Variants in MORN5 observed in about 807,000 individuals in gnomAD.
The protein encoded by MORN5 is MORN repeat-containing protein 5.
A neutral mutation model predicts 22.1 loss-of-function variants in MORN5; 21 were observed. The observed-to-expected ratio is 0.95, with a 90% CI of 0.67 to 1.37. The LOEUF is 1.37. Ranked by LOEUF, MORN5 falls within the 40% of genes most tolerant of loss-of-function variation. MORN5 has a pLI of 0.00. For synonymous variants in MORN5, 73 were observed against 74.0 expected, an observed-to-expected ratio of 0.99 and a Z score of 0.07; for missense variants, 211 against 215.1, an observed-to-expected ratio of 0.98 and a Z score of 0.12.
intron 3 of MORN5, among the ~76,000 whole-genome samples, chr9:122,173,942 A>G (rs529953484): frequency 6.6e-6 from 1 of 152,342 alleles, no homozygotes; most frequent in South Asian, 2.1e-4. Flanking sequence ...CTGGCACATA[A>G]TAAACATTCA....
chr9:122,199,309 G>C (rs1410157363), intron 4 of MORN5, among the ~76,000 whole-genome samples: 1 of 152,174 alleles, frequency 6.6e-6, no homozygotes, highest in Non-Finnish European at 1.5e-5. Flanking sequence ...CCATTGCGTG[G>C]TTGGTCACGA....
chr9:122,195,276 G>A (rs1478849989), intron 4 of MORN5, among the ~76,000 whole-genome samples: 2 of 152,170 alleles, frequency 1.3e-5, no homozygotes, highest in East Asian at 3.8e-4. Flanking sequence ...TGTACCCCAC[G>A]CTCAATTTCC....
intron 3 of MORN5, among the ~76,000 whole-genome samples, chr9:122,172,822 G>T (rs1421236037): frequency 6.6e-6 from 1 of 152,184 alleles, no homozygotes; most frequent in African/African-American, 2.4e-5. Context: ...GTGCTTAGGG[G>T]AGTTAAGGCA....
chr9:122,170,834 CGAG>C (rs1267696320), intron 3 of MORN5, among the ~76,000 whole-genome samples: 1 of 152,052 alleles, frequency 6.6e-6, no homozygotes, highest in Non-Finnish European at 1.5e-5. Flanking sequence ...AGCCTCAAGA[CGAG>C]GGGAGGAGAG....
chr9:122,191,664 C>T (rs536391822), intron 4 of MORN5, among the ~76,000 whole-genome samples: 11 of 152,352 alleles, frequency 7.2e-5, no homozygotes, highest in Non-Finnish European at 1.2e-4. Flanking sequence ...CAGCGGTGAC[C>T]GCAGGTGTGC....
intron 3 of MORN5, among the ~76,000 whole-genome samples, chr9:122,170,744 A>G (rs1461413633): frequency 2.6e-5 from 4 of 152,184 alleles, no homozygotes; most frequent in African/African-American, 9.7e-5. Context: ...GTGTCTCATC[A>G]TGGAGGGCTA....
At chr9:122,183,874 C>T (rs1829572025) in intron 4 of MORN5, among the ~76,000 whole-genome samples, 1 of 152,198 alleles carries the variant, frequency 6.6e-6, no homozygotes. Context: ...TGATTATTTG[C>T]AGAGAGGGCC....
chr9:122,162,480 C>A (rs1272249017), intron 1 of MORN5, among the ~76,000 whole-genome samples: 3 of 152,124 alleles, frequency 2.0e-5, no homozygotes, highest in African/African-American at 7.2e-5. Flanking sequence ...AGGTATTTAC[C>A]CCAGAAATGA....
chr9:122,182,695 G>A (rs1564420031), intron 4 of MORN5, among the ~76,000 whole-genome samples: 1 of 152,206 alleles, frequency 6.6e-6, no homozygotes, highest in East Asian at 1.9e-4. Flanking sequence ...AGGCTGCAGT[G>A]AGCTGAGATC....
chr9:122,173,050 G>A (rs1829388307), intron 3 of MORN5, among the ~76,000 whole-genome samples: 1 of 152,142 alleles, frequency 6.6e-6, no homozygotes, highest in Non-Finnish European at 1.5e-5. Context: ...TAGGCAAAAA[G>A]CCCTCAGCCT....
chr9:122,165,932 G>GT (rs890648361), intron 1 of MORN5, among the ~76,000 whole-genome samples: 37 of 152,308 alleles, frequency 2.4e-4, no homozygotes, highest in African/African-American at 8.7e-4. Flanking sequence ...TCATGCTGCT[G>GT]TAAGGACATA....
chr9:122,182,245 T>G (rs1425359290), intron 4 of MORN5, among the ~76,000 whole-genome samples: 3 of 152,218 alleles, frequency 2.0e-5, no homozygotes, highest in Non-Finnish European at 4.4e-5. Context: ...TCACCTCATG[T>G]ATTGCCCCAG....
At chr9:122,199,048 A>G (rs1245062693) in intron 4 of MORN5, among the ~76,000 whole-genome samples, 1 of 152,202 alleles carries the variant, frequency 6.6e-6, no homozygotes, top group Non-Finnish European at 1.5e-5. Context: ...AGGAGAAAGG[A>G]GGAAAAATGA....
At chr9:122,164,574 A>G in intron 1 of MORN5, 1 of 985,450 alleles carries the variant, frequency 1.0e-6, no homozygotes, top group Non-Finnish European at 1.2e-6. Flanking sequence ...TGCTTAGGGG[A>G]GGAGGAGATG....
Position 122,197,032 on chromosome 9 carries a change from A to G in MORN5, c.440-2853A>G, listed in dbSNP as rs1353240570. 6.6e-6 allele frequency among the ~76,000 whole-genome samples: 1 copy of G among 152,164 alleles called. No individual in the cohort carries two copies. Among genetic ancestry groups the G allele is most frequent in the Non-Finnish European group, 1.5e-5 (1 of 68,016 alleles). Reference sequence around the variant, plus strand: ...TATACAACAAAATAATCATTCCCTCATTTTTAGAAATGTACATTTTCCTTT... The same window carrying G: ...TATACAACAAAATAATCATTCCCTCGTTTTTAGAAATGTACATTTTCCTTT... On this transcript the variant is annotated intron_variant, in intron 4 of 4. Transcript: ENST00000373764. The surrounding 1 kb of genome is among the most constrained non-coding windows in gnomAD (Gnocchi z 5.7).
intron 3 of MORN5, among the ~76,000 whole-genome samples, chr9:122,171,379 C>T (rs1564416791): frequency 6.6e-6 from 1 of 152,184 alleles, no homozygotes; most frequent in Non-Finnish European, 1.5e-5. Flanking sequence ...TGCTATTTTC[C>T]TCCTATCCCC....
intron 1 of MORN5, among the ~76,000 whole-genome samples, chr9:122,162,994 TA>T (rs371250859): frequency 3.3e-4 from 49 of 148,492 alleles, no homozygotes; most frequent in African/African-American, 8.9e-4. Context: ...TGTATCTACT[TA>T]AAAAAAAAAC....
chr9:122,172,617 T>G (rs890758213), intron 3 of MORN5, among the ~76,000 whole-genome samples: 5 of 151,978 alleles, frequency 3.3e-5, no homozygotes, highest in African/African-American at 1.2e-4. Context: ...CTAGGTAAGG[T>G]CTCCCTGTGG....
chr9:122,174,594 A>G lies in MORN5; in HGVS notation c.406A>G (p.Lys136Glu). 6.2e-7 allele frequency: 1 copy of G among 1,614,126 alleles called. No homozygotes were observed. The highest frequency in any genetic ancestry group is 1.1e-5 in the South Asian group (1 of 91,072). The change falls in exon 4 of 5, where the codon AAG (lysine) becomes GAG (glutamate). Residue 136 changes from lysine to glutamate, a missense_variant. Lys to Glu is a moderately conservative substitution (Grantham distance 56). Coordinates refer to ENST00000373764, the MANE Select transcript of MORN5 (RefSeq NM_198469.4). ...GFYNPVTRVV[K>E]DYRNRFLRNA... ...CTATAACCCAGTCACGAGGGTAGTC[A>G]AGGACTATAGGAACCGCTTTCTAAG...
Sources: allele counts gnomAD v4.1 joint callset (sites outside exome capture counted in the v4.1 genomes callset), GRCh38; gene constraint gnomAD v4.1.1; non-coding constraint Gnocchi (gnomAD v3.1); transcripts MANE v1.5; gene names NCBI Gene and HGNC (gene_info 2026-07-23, HGNC 2026-07-21).